NTNG2: variants seen among roughly 807,000 people sequenced by gnomAD.
NTNG2 encodes the protein netrin G2, also known as netrin-G2.
NTNG2 carries 15 observed loss-of-function variants against 47.6 expected under a neutral mutation model. The ratio of observed to expected loss-of-function variants is 0.32; its 90% confidence interval spans 0.21 to 0.49. The LOEUF (loss-of-function observed/expected upper bound fraction) is 0.49. Ranked by LOEUF, NTNG2 falls within the 20% of genes least tolerant of loss-of-function variation. NTNG2 has a pLI of 0.99. For missense variants in NTNG2, 578 were observed against 764.6 expected (o/e 0.76, Z 2.88); for synonymous variants, 307 against 324.6 (o/e 0.95, Z 0.58).
Position 132,195,055 on chromosome 9 carries a change from G to A in NTNG2, c.214-2911G>A, listed in dbSNP as rs891353212. 2.0e-5 allele frequency among the ~76,000 whole-genome samples: 3 copies of A among 152,356 alleles called. No individual in the cohort carries two copies. The South Asian group carries it at 6.2e-4, about 32-fold the overall frequency. On this transcript the variant is annotated intron_variant, in intron 2 of 7. Transcript: ENST00000393229. ...CATCAGAAAGGGCCACAAGTGGTCC[G>A]GAGCACTGGGTGGTTGTTAGTGACA...
At position 132,221,474 on chromosome 9, in the gene NTNG2, C is replaced by T. The variant is rs114605965; in HGVS notation, c.858-5375C>T. Among the ~76,000 whole-genome samples the T allele has an allele frequency of 6.7e-3, 1,013 of 152,306 alleles. 13 individuals are homozygous for T. Among genetic ancestry groups the T allele is most frequent in the African/African-American group, 0.024 (978 of 41,564 alleles). ...CTGCAAAAGTCAGAGAGACCAGAAG[C>T]ACCTGCATTGACCAGGTGCCATGTG... On this transcript the variant is annotated intron_variant, in intron 3 of 7. Coordinates refer to ENST00000393229, the MANE Select transcript of NTNG2 (RefSeq NM_032536.4). This position sits in a 1 kb window ranked among gnomAD's most constrained non-coding sequence, Gnocchi z 4.2.
At chr9:132,202,921 C>T (rs1301232389) in intron 3 of NTNG2, among the ~76,000 whole-genome samples, 3 of 152,174 alleles carry the variant, frequency 2.0e-5, no homozygotes, top group Admixed American at 2.0e-4. Flanking sequence ...TCAGTTTTCT[C>T]ATCTGCAAAA....
chr9:132,202,209 A>C (rs1838814664), intron 3 of NTNG2, among the ~76,000 whole-genome samples: 1 of 152,186 alleles, frequency 6.6e-6, no homozygotes, highest in Admixed American at 6.5e-5. Context: ...CAAGTCAGTG[A>C]TTTCCAGCTC....
intron 2 of NTNG2, among the ~76,000 whole-genome samples, chr9:132,191,282 C>A (rs975285647): frequency 6.6e-6 from 1 of 152,184 alleles, no homozygotes; most frequent in Non-Finnish European, 1.5e-5. Flanking sequence ...CAGCCTCATC[C>A]CTTCCTCCTG....
intron 3 of NTNG2, among the ~76,000 whole-genome samples, chr9:132,210,082 T>C (rs1839479831): frequency 6.6e-6 from 1 of 152,152 alleles, no homozygotes; most frequent in Non-Finnish European, 1.5e-5. Flanking sequence ...CATGTCCATC[T>C]TGACAACCCA....
chr9:132,178,405 T>C (rs1486911932), intron 2 of NTNG2, among the ~76,000 whole-genome samples: 2 of 152,220 alleles, frequency 1.3e-5, no homozygotes, highest in Non-Finnish European at 2.9e-5. Flanking sequence ...TAGCAGGTAC[T>C]TAATAAATGC....
chr9:132,171,786 AG>A (rs1270764317), intron 2 of NTNG2, among the ~76,000 whole-genome samples: 1 of 152,206 alleles, frequency 6.6e-6, no homozygotes, highest in African/African-American at 2.4e-5. Flanking sequence ...CCAGACCTTG[AG>A]GATCATGAAA....
At chr9:132,222,659 C>A (rs1282352181) in intron 3 of NTNG2, among the ~76,000 whole-genome samples, 1 of 152,154 alleles carries the variant, frequency 6.6e-6, no homozygotes, top group Non-Finnish European at 1.5e-5. Flanking sequence ...TACATGTAAC[C>A]TAAAGCGGTG....
chr9:132,239,323 G>A, intron 6 of NTNG2, 52 bp downstream of exon 6: 1 of 1,593,008 alleles, frequency 6.3e-7, no homozygotes, highest in Non-Finnish European at 8.6e-7. Context: ...CGTGCAGGGT[G>A]CACTGCCCTG....
Position 132,205,646 on chromosome 9 carries a change from C to T in NTNG2, c.857+7037C>T, listed in dbSNP as rs370932091. On this transcript the variant is annotated intron_variant, in intron 3 of 7. Transcript: ENST00000393229. ...CTGTAATCTCAGCACTTTGGGAGGC[C>T]GAGGCGGGCGGATCACTTGAGGTCA... Among the ~76,000 whole-genome samples the T allele has an allele frequency of 2.8e-4, 43 of 152,118 alleles. No homozygotes were observed. The South Asian group carries it at 8.3e-3, about 29-fold the overall frequency.
chr9:132,184,909 C>T (rs577217799), intron 2 of NTNG2, among the ~76,000 whole-genome samples: 19 of 152,306 alleles, frequency 1.2e-4, no homozygotes, highest in African/African-American at 3.8e-4. Context: ...ACAACAAGAG[C>T]GAAACTCTGT....
rs1842021125 is a variant in NTNG2 at position 132,241,996 on chromosome 9, C to T, written c.1478C>T (p.Pro493Leu). The T allele has an allele frequency of 1.3e-6, 2 of 1,483,530 alleles. No homozygotes were observed. The highest frequency in any genetic ancestry group is 8.9e-7 in the Non-Finnish European group (1 of 1,124,546). 91.9% of individuals were successfully genotyped at this position (1,483,530 alleles called of 1,614,324 possible). A position where few individuals can be genotyped will look rare whatever the true frequency, so the allele number is the denominator to read the frequency against. ...CGCTGCGAGCAGCCCCGCTGCGACC[C>T]CGCCGACGATGACGGCGGTCTGGAC... The part of the protein sequence containing the change: ...GVRCEQPRCD[P>L]ADDDGGLDCD... The change falls in exon 8 of 8, where the codon CCC becomes CTC. Residue 493 changes from proline to leucine, a missense_variant. Physicochemically the swap from Pro to Leu is moderately conservative, Grantham distance 98. Coordinates refer to ENST00000393229, the MANE Select transcript of NTNG2 (RefSeq NM_032536.4).
At chr9:132,229,417 A>G (rs1773821258) in intron 4 of NTNG2, among the ~76,000 whole-genome samples, 2 of 151,626 alleles carry the variant, frequency 1.3e-5, no homozygotes, top group Admixed American at 6.6e-5. Flanking sequence ...GTCTCTCCCA[A>G]TGCCATCCTC....
intron 3 of NTNG2, among the ~76,000 whole-genome samples, chr9:132,214,377 G>C (rs1839822601): frequency 6.6e-6 from 1 of 152,198 alleles, no homozygotes; most frequent in Non-Finnish European, 1.5e-5. Context: ...GCACGCTCCT[G>C]CCTGGCACGG....
Position 132,166,858 on chromosome 9 carries a change from G to T in NTNG2, c.27G>T (p.Leu9=). 1 of 1,614,174 alleles carries T rather than the reference G, an allele frequency of 6.2e-7. No homozygotes were observed. Among genetic ancestry groups the T allele is most frequent in the Non-Finnish European group, 8.5e-7 (1 of 1,180,036 alleles). ...TGCTGCATCTGCTGGCGCTCTTCCTGCACTGCCTCCCTCTGGCCTCTGGGG... is the reference window on the plus strand; with the variant it reads ...TGCTGCATCTGCTGGCGCTCTTCCTTCACTGCCTCCCTCTGGCCTCTGGGG... MLHLLALF[L]HCLPLASGDY... is the part of the protein sequence containing the mutation. The change falls in exon 2 of 8, where the codon CTG becomes CTT. Residue 9 remains leucine, a synonymous_variant. Transcript: ENST00000393229.
intron 2 of NTNG2, among the ~76,000 whole-genome samples, chr9:132,170,645 C>A (rs974237587): frequency 5.3e-5 from 8 of 152,152 alleles, no homozygotes; most frequent in African/African-American, 1.9e-4. Flanking sequence ...AGGGGGAAAC[C>A]CTTCCTTTGT....
At position 132,180,954 on chromosome 9, in the gene NTNG2, TTC is replaced by T. The variant is rs1375538735; in HGVS notation, c.213+13914_213+13915del. Among the ~76,000 whole-genome samples the T allele has an allele frequency of 1.3e-5, 2 of 152,224 alleles. No homozygotes were observed. The highest frequency in any genetic ancestry group is 4.8e-5 in the African/African-American group (2 of 41,454). ...AAACACTTTCAGGGACTTCCCAGATTTCTCTGAGTCCATCCGTGGTCACTTTC... is the reference window on the plus strand; with the variant it reads ...AAACACTTTCAGGGACTTCCCAGATTTCTGAGTCCATCCGTGGTCACTTTC... On this transcript the variant is annotated intron_variant, in intron 2 of 7. Transcript: ENST00000393229. The surrounding 1 kb of genome is among the most constrained non-coding windows in gnomAD (Gnocchi z 4.2).
At chr9:132,206,228 C>T (rs1470018587) in intron 3 of NTNG2, among the ~76,000 whole-genome samples, 1 of 152,196 alleles carries the variant, frequency 6.6e-6, no homozygotes, top group East Asian at 1.9e-4. Flanking sequence ...CATGGACTCC[C>T]TGAAATATAT....
At chr9:132,178,664 G>C (rs1056082449) in intron 2 of NTNG2, among the ~76,000 whole-genome samples, 1 of 151,934 alleles carries the variant, frequency 6.6e-6, no homozygotes, top group Non-Finnish European at 1.5e-5. Context: ...ATTAGGCCAA[G>C]TGTGGTGGCT....
Sources: gnomAD v4.1 joint callset for allele counts (sites outside exome capture counted in the v4.1 genomes callset) on GRCh38, gnomAD v4.1.1 for gene constraint, Gnocchi (gnomAD v3.1) non-coding constraint, MANE v1.5 for transcripts, NCBI Gene and HGNC (gene_info 2026-07-23, HGNC 2026-07-21) for gene names.